Variants in ANTXR1 observed in about 807,000 individuals in gnomAD.
ANTXR1 encodes anthrax toxin receptor 1.
Under a neutral mutation model 78.1 loss-of-function variants are expected in ANTXR1, and 19 were observed. That is an observed-to-expected ratio of 0.24 (90% CI 0.17 to 0.36). ANTXR1 has a LOEUF of 0.36. Ranked by LOEUF, ANTXR1 falls within the 10% of genes least tolerant of loss-of-function variation. The pLI is 1.00. For missense variants in ANTXR1, 518 were observed against 718.6 expected (o/e 0.72, Z 3.19); for synonymous variants, 273 against 260.5 (o/e 1.05, Z -0.46).
chr2:69,214,641 C>T lies in ANTXR1; in HGVS notation c.1434+21226C>T, dbSNP rs570790123. On this transcript the variant is annotated intron_variant, in intron 17 of 17. Coordinates refer to ENST00000303714, the MANE Select transcript of ANTXR1 (RefSeq NM_032208.3). ...TGTTTCTCCATTTTGCTCTTCTCCT[C>T]CTAGTCCCCACCCAAGTCTGTTAGC... Among the ~76,000 whole-genome samples the T allele has an allele frequency of 4.9e-4, 75 of 152,334 alleles. 1 individual carries two copies. The South Asian group carries it at 9.9e-3, about 20-fold the overall frequency.
rs559776758 is a variant in ANTXR1, at chr2:69,019,544, T to C, written c.152+5893T>C. 2.0e-5 allele frequency among the ~76,000 whole-genome samples: 3 copies of C among 152,308 alleles called. No homozygotes were observed. The South Asian group carries it at 6.2e-4, about 32-fold the overall frequency. On this transcript the variant is annotated intron_variant, in intron 1 of 17. Transcript: ENST00000303714. ...CATACTCTAATTTCTTTTTTTCAAC[T>C]TTTAAGTTCAGGGGTACATACAAAC...
At chr2:69,031,695 G>A (rs576460143) in intron 1 of ANTXR1, among the ~76,000 whole-genome samples, 2 of 152,284 alleles carry the variant, frequency 1.3e-5, no homozygotes, top group African/African-American at 4.8e-5. Context: ...GACACAAGAG[G>A]AAATTATGTC....
At chr2:69,235,075 G>A (rs1458044586) in intron 17 of ANTXR1, among the ~76,000 whole-genome samples, 2 of 141,222 alleles carry the variant, frequency 1.4e-5, no homozygotes, top group African/African-American at 2.7e-5. Flanking sequence ...CCAGGCTGGA[G>A]TGCAATGGCA....
intron 12 of ANTXR1, chr2:69,145,515 T>A: frequency 2.1e-6 from 3 of 1,442,150 alleles, no homozygotes; most frequent in Non-Finnish European, 2.7e-6. Flanking sequence ...GCACACTGAG[T>A]GCCCCAACAT....
At position 69,084,648 on chromosome 2, in the gene ANTXR1, C is replaced by T. The variant is rs139521656; in HGVS notation, c.643-6211C>T. 4.7e-3 allele frequency among the ~76,000 whole-genome samples: 565 copies of T among 120,866 alleles called. 5 individuals carry two copies. The highest frequency in any genetic ancestry group is 0.017 in the African/African-American group (529 of 31,224). The allele number at this position is 120,866 out of a possible 152,430, so 79.3% of individuals were successfully genotyped here. ...GTCTTGCTATGTTGCCCAGGCTGGT[C>T]TCAAACTCCTGGCCCCAAGCAATTC... is the stretch of plus-strand genomic sequence containing the variant. On this transcript the variant is annotated intron_variant, in intron 8 of 17. Coordinates refer to ENST00000303714, the MANE Select transcript of ANTXR1 (RefSeq NM_032208.3).
intron 1 of ANTXR1, among the ~76,000 whole-genome samples, chr2:69,033,826 A>T (rs1258277474): frequency 6.6e-6 from 1 of 152,210 alleles, no homozygotes; most frequent in African/African-American, 2.4e-5. Context: ...ATCTGTGTGC[A>T]AAAGAAGGGA....
intron 10 of ANTXR1, among the ~76,000 whole-genome samples, chr2:69,108,630 C>G (rs565278669): frequency 1.3e-5 from 2 of 152,254 alleles, no homozygotes; most frequent in East Asian, 1.9e-4. Context: ...ACCCTCCACC[C>G]TCTAGTAGGC....
intron 16 of ANTXR1, among the ~76,000 whole-genome samples, chr2:69,188,038 A>C (rs1292270271): frequency 4.6e-5 from 2 of 43,728 alleles, no homozygotes; most frequent in Non-Finnish European, 7.5e-5. Flanking sequence ...GCCTGGCAAA[A>C]AAAAAAAAAA....
At chr2:69,218,097 C>T (rs1453177507) in intron 17 of ANTXR1, among the ~76,000 whole-genome samples, 3 of 152,200 alleles carry the variant, frequency 2.0e-5, no homozygotes, top group African/African-American at 7.2e-5. Context: ...AGAGAGGAGC[C>T]GGGTGGAAGG....
chr2:69,074,998 T>C (rs951530203), intron 6 of ANTXR1, among the ~76,000 whole-genome samples: 1 of 152,192 alleles, frequency 6.6e-6, no homozygotes, highest in African/African-American at 2.4e-5. Flanking sequence ...ATCATGGATT[T>C]ACCTATTCAA....
intron 10 of ANTXR1, among the ~76,000 whole-genome samples, chr2:69,110,150 T>G (rs577027084): frequency 1.3e-5 from 2 of 152,346 alleles, no homozygotes; most frequent in South Asian, 4.1e-4. Flanking sequence ...CACGCAGTCT[T>G]GGAAAACCTG....
At chr2:69,115,947 A>G (rs1672131698) in intron 10 of ANTXR1, among the ~76,000 whole-genome samples, 1 of 152,116 alleles carries the variant, frequency 6.6e-6, no homozygotes, top group African/African-American at 2.4e-5. Context: ...CAGTGGGTAT[A>G]CTCATTCTGA....
intron 12 of ANTXR1, among the ~76,000 whole-genome samples, chr2:69,126,426 T>C (rs1052164034): frequency 1.3e-5 from 2 of 152,164 alleles, no homozygotes; most frequent in African/African-American, 4.8e-5. Flanking sequence ...TGCAGAAGTG[T>C]TGAAATTTCT....
intron 12 of ANTXR1, among the ~76,000 whole-genome samples, chr2:69,131,981 C>G (rs1206656095): frequency 6.6e-6 from 1 of 152,188 alleles, no homozygotes; most frequent in Admixed American, 6.5e-5. Context: ...GGGGTGCAGA[C>G]TTGGTAGAAG....
At chr2:69,128,420 A>C (rs891314864) in intron 12 of ANTXR1, among the ~76,000 whole-genome samples, 2 of 152,180 alleles carry the variant, frequency 1.3e-5, no homozygotes, top group African/African-American at 2.4e-5. Context: ...TTAATGAAAA[A>C]AGTTTTAACT....
chr2:69,103,104 C>A, intron 10 of ANTXR1, 164 bp downstream of exon 10: 1 of 778,014 alleles, frequency 1.3e-6, no homozygotes, highest in Non-Finnish European at 2.2e-6. Context: ...ACAGTGGTTC[C>A]AGTCAGAAAA....
chr2:69,160,125 T>C (rs1165674413), intron 13 of ANTXR1, among the ~76,000 whole-genome samples: 1 of 152,206 alleles, frequency 6.6e-6, no homozygotes, highest in African/African-American at 2.4e-5. Flanking sequence ...CATTCCCATA[T>C]GGACACGCCT....
intron 8 of ANTXR1, 100 bp downstream of exon 8, chr2:69,077,588 C>T (rs1365829621): frequency 6.3e-6 from 8 of 1,268,320 alleles, no homozygotes. Context: ...TGGTGTTTTT[C>T]TGCTTAAGAG....
chr2:69,177,656 C>T (rs1389177047), intron 14 of ANTXR1, among the ~76,000 whole-genome samples: 1 of 152,224 alleles, frequency 6.6e-6, no homozygotes, highest in East Asian at 1.9e-4. Flanking sequence ...ACTCCTACTC[C>T]TCGCTTCTTC....
Sources: allele counts gnomAD v4.1 joint callset (sites outside exome capture counted in the v4.1 genomes callset), GRCh38; gene constraint gnomAD v4.1.1; transcripts MANE v1.5; gene names NCBI Gene and HGNC (gene_info 2026-07-23, HGNC 2026-07-21).